ENAH: variants seen among roughly 807,000 people sequenced by gnomAD.
ENAH encodes protein enabled homolog.
In ENAH, 23 loss-of-function variants were observed where a neutral mutation model predicts 78.7. That is an observed-to-expected ratio of 0.29 (90% CI 0.21 to 0.41). ENAH has a LOEUF of 0.41. Ranked by LOEUF, ENAH falls within the 10% of genes least tolerant of loss-of-function variation. The pLI is 1.00. For missense variants in ENAH, 544 were observed against 691.0 expected (o/e 0.79, Z 2.39); for synonymous variants, 226 against 241.0 (o/e 0.94, Z 0.58).
chr1:225,591,931 C>G (rs1212252426), intron 1 of ENAH, among the ~76,000 whole-genome samples: 1 of 152,086 alleles, frequency 6.6e-6, no homozygotes, highest in Non-Finnish European at 1.5e-5. Flanking sequence ...ACAATTCTGG[C>G]TCTGTCATTT....
intron 5 of ENAH, chr1:225,517,896 G>A: frequency 6.4e-7 from 1 of 1,551,232 alleles, no homozygotes; most frequent in Non-Finnish European, 8.7e-7. Flanking sequence ...GAGCTGAGAT[G>A]ACTTTAGCGT....
intron 3 of ENAH, among the ~76,000 whole-genome samples, chr1:225,543,116 T>A (rs2096597607): frequency 6.6e-6 from 1 of 152,118 alleles, no homozygotes; most frequent in South Asian, 2.1e-4. Context: ...AAAAACCCAC[T>A]CTACCATCTT....
In ENAH at chr1:225,585,540, C is replaced by G. The variant is rs866301315; in HGVS notation, c.6-18126G>C. On this transcript the variant is annotated intron_variant, in intron 1 of 13. Transcript: ENST00000366843. ...CAGTGGCTCATGCCTATAATCCCAG[C>G]ACTTTGGGAGGCCGAGGCAGGTGGA... Among the ~76,000 whole-genome samples the G allele has an allele frequency of 9.2e-5, 14 of 152,242 alleles. 1 individual carries two copies. The highest frequency in any genetic ancestry group is 2.1e-4 in the South Asian group (1 of 4,824).
intron 4 of ENAH, 141 bp from the exon 5 acceptor site, chr1:225,519,706 G>A (rs1289702507): frequency 5.6e-6 from 7 of 1,260,280 alleles, no homozygotes; most frequent in Non-Finnish European, 7.6e-6. Context: ...CCCACATGAA[G>A]GCTACCTTGG....
intron 1 of ENAH, among the ~76,000 whole-genome samples, chr1:225,609,255 T>C (rs967952108): frequency 2.6e-5 from 4 of 152,106 alleles, no homozygotes; most frequent in Admixed American, 6.5e-5. Flanking sequence ...TTTAGTAGTA[T>C]AGTCTGAGCT....
intron 1 of ENAH, among the ~76,000 whole-genome samples, chr1:225,571,356 G>C (rs2096761331): frequency 6.6e-6 from 1 of 151,598 alleles, no homozygotes; most frequent in Non-Finnish European, 1.5e-5. Context: ...CTGGGCGACA[G>C]AGTGAGACTC....
At chr1:225,628,122 G>T (rs1658290363) in intron 1 of ENAH, among the ~76,000 whole-genome samples, 1 of 152,170 alleles carries the variant, frequency 6.6e-6, no homozygotes, top group Admixed American at 6.5e-5. Flanking sequence ...TGTAATTCAG[G>T]ATAGAAGCTC....
At chr1:225,646,493 G>A (rs1039265633) in intron 1 of ENAH, among the ~76,000 whole-genome samples, 1 of 152,108 alleles carries the variant, frequency 6.6e-6, no homozygotes, top group African/African-American at 2.4e-5. Flanking sequence ...CTGGCAACCT[G>A]ATCTCTGACT....
At chr1:225,523,309 A>T (rs1458750063) in intron 4 of ENAH, among the ~76,000 whole-genome samples, 2 of 151,362 alleles carry the variant, frequency 1.3e-5, no homozygotes, top group African/African-American at 4.9e-5. Context: ...AGCTTAAGTC[A>T]CAAGCAGAAG....
chr1:225,546,896 GAGGCTCAC>G (rs915519291), intron 3 of ENAH, among the ~76,000 whole-genome samples: 4 of 152,168 alleles, frequency 2.6e-5, no homozygotes, highest in African/African-American at 9.7e-5. Context: ...AACCTGGACT[GAGGCTCAC>G]AGTGAAACTC....
At chr1:225,508,417 C>G (rs1406102053) in intron 10 of ENAH, 1 of 152,632 alleles carries the variant, frequency 6.6e-6, no homozygotes, top group Non-Finnish European at 1.5e-5. Flanking sequence ...TTTTTTAGTG[C>G]CAATGATAAA....
rs2151003569 is a variant in ENAH, at chr1:225,493,866, T to TA, written c.*3908dup. The TA allele has an allele frequency of 6.6e-6, 1 of 152,226 alleles. No homozygotes were observed. The highest frequency in any genetic ancestry group is 2.1e-4 in the South Asian group (1 of 4,828). 9.4% of individuals were successfully genotyped at this position (152,226 alleles called of 1,614,324 possible). On this transcript the variant is annotated 3_prime_UTR_variant, in exon 14 of 14. Coordinates refer to ENST00000366843, the MANE Select transcript of ENAH (RefSeq NM_018212.6). ...CTGTGCTTCATAGGGTAATACTACT[T>TA]AGAATTAAAAGGCCAATTCTTCACA...
intron 2 of ENAH, among the ~76,000 whole-genome samples, chr1:225,556,808 T>C (rs1000656607): frequency 2.6e-5 from 4 of 152,190 alleles, no homozygotes; most frequent in Admixed American, 2.6e-4. Flanking sequence ...AGCTTTATTA[T>C]TTTACCTTTC....
intron 1 of ENAH, among the ~76,000 whole-genome samples, chr1:225,649,054 A>C (rs925921703): frequency 6.6e-6 from 1 of 152,178 alleles, no homozygotes; most frequent in Non-Finnish European, 1.5e-5. Context: ...TAGGCCTGGA[A>C]ACAGGAGGAG....
At chr1:225,587,864 TA>T (rs2096855003) in intron 1 of ENAH, among the ~76,000 whole-genome samples, 1 of 152,096 alleles carries the variant, frequency 6.6e-6, no homozygotes. Flanking sequence ...ACTAATTTTT[TA>T]AAAAGACGTC....
At chr1:225,617,614 T>C (rs1656028535) in intron 1 of ENAH, among the ~76,000 whole-genome samples, 1 of 152,196 alleles carries the variant, frequency 6.6e-6, no homozygotes, top group Non-Finnish European at 1.5e-5. Flanking sequence ...TAATTTAGTC[T>C]CTTCCTTAAA....
intron 3 of ENAH, among the ~76,000 whole-genome samples, chr1:225,549,037 ATGAG>A (rs2096629209): frequency 9.2e-5 from 14 of 151,932 alleles, no homozygotes; most frequent in Non-Finnish European, 1.5e-5. Flanking sequence ...TTTAGTAGAG[ATGAG>A]GTTTCACCAT....
At chr1:225,541,932 A>G (rs1314692808) in intron 3 of ENAH, among the ~76,000 whole-genome samples, 1 of 152,152 alleles carries the variant, frequency 6.6e-6, no homozygotes, top group Non-Finnish European at 1.5e-5. Flanking sequence ...CCCAGACTGA[A>G]GTGCAATGGT....
At position 225,567,529 on chromosome 1, in the gene ENAH, G is replaced by A. The variant is rs1296423438; in HGVS notation, c.6-115C>T. 5.8e-6 allele frequency: 6 copies of A among 1,038,714 alleles called. No homozygotes were observed. In the East Asian group the frequency reaches 1.1e-4, roughly 18 times the overall value. 64.3% of individuals were successfully genotyped at this position (1,038,714 alleles called of 1,614,324 possible). On this transcript the variant is annotated intron_variant, in intron 1 of 13. Transcript: ENST00000366843. ...ACGATCAGTGCTGTTATTGGGTGCTGGAAACAATAATGGACAAGACAGAGG... is the reference window on the plus strand; with the variant it reads ...ACGATCAGTGCTGTTATTGGGTGCTAGAAACAATAATGGACAAGACAGAGG...
Sources: allele counts gnomAD v4.1 joint callset (sites outside exome capture counted in the v4.1 genomes callset), GRCh38; gene constraint gnomAD v4.1.1; transcripts MANE v1.5; gene names NCBI Gene and HGNC (gene_info 2026-07-23, HGNC 2026-07-21).